The following LIPA variants were observed in gnomAD, a reference collection of about 807,000 sequenced individuals.
LIPA encodes the protein lipase A, lysosomal acid type.
A neutral mutation model predicts 40.6 loss-of-function variants in LIPA; 26 were observed. The observed-to-expected ratio is 0.64, with a 90% CI of 0.47 to 0.89. The LOEUF is 0.89. Ranked by LOEUF, LIPA falls within the 40% of genes least tolerant of loss-of-function variation. The pLI is 0.00. For synonymous variants in LIPA, 188 were observed against 168.4 expected, an observed-to-expected ratio of 1.12 and a Z score of -0.90; for missense variants, 455 against 479.6, an observed-to-expected ratio of 0.95 and a Z score of 0.48.
chr10:89,383,926 G>A lies in LIPA; in HGVS notation c.61+28865C>T, dbSNP rs147758253. On this transcript the variant is annotated intron_variant, in intron 2 of 8. Transcript: ENST00000371837. The stretch of plus-strand genomic sequence containing the variant: ...GAGGAATAAGGCATTTTCTCTGCAC[G>A]TCCTAAAACGAGCTGTCAGGCTAAA... 423 of 1,614,128 alleles carry A rather than the reference G, an allele frequency of 2.6e-4. 1 individual carries two copies. The highest frequency in any genetic ancestry group is 3.2e-4 in the Non-Finnish European group (382 of 1,180,030).
At chr10:89,262,372 C>G (rs894461648) in intron 1 of LIPA, among the ~76,000 whole-genome samples, 2 of 152,226 alleles carry the variant, frequency 1.3e-5, no homozygotes, top group Non-Finnish European at 2.9e-5. Context: ...AAGCTGTTCT[C>G]TTTGCCTCTG....
chr10:89,268,068 T>C (rs1419882268), intron 1 of LIPA, among the ~76,000 whole-genome samples: 4 of 152,244 alleles, frequency 2.6e-5, no homozygotes, highest in East Asian at 1.9e-4. Flanking sequence ...CTCCTGTTCA[T>C]GTAATGTGTG....
intron 1 of LIPA, among the ~76,000 whole-genome samples, chr10:89,274,065 A>C (rs912946040): frequency 6.6e-6 from 1 of 152,252 alleles, no homozygotes; most frequent in Non-Finnish European, 1.5e-5. Context: ...CATTATAGAC[A>C]TAAGTCACAT....
chr10:89,358,840 G>A (rs1238646394), intron 2 of LIPA, among the ~76,000 whole-genome samples: 3 of 152,146 alleles, frequency 2.0e-5, no homozygotes, highest in East Asian at 1.9e-4. Context: ...TAAATAGAAG[G>A]AATAATTTCT....
chr10:89,252,490 AAAAC>A (rs1326567492), upstream of LIPA, among the ~76,000 whole-genome samples: 18 of 152,164 alleles, frequency 1.2e-4, no homozygotes, highest in African/African-American at 2.6e-4. Context: ...AATAACAACA[AAAAC>A]AAACAAACAA....
chr10:89,307,567 G>C, intron 1 of LIPA: 1 of 517,786 alleles, frequency 1.9e-6, no homozygotes, highest in South Asian at 3.0e-5. Flanking sequence ...TTCTGGGAGA[G>C]GGACCAGATT....
At chr10:89,334,681 C>T (rs1250623199) in intron 1 of LIPA, among the ~76,000 whole-genome samples, 5 of 150,278 alleles carry the variant, frequency 3.3e-5, no homozygotes, top group African/African-American at 2.4e-5. Flanking sequence ...TTAGTACAGG[C>T]GGGGTTTCAT....
chr10:89,326,967 C>A (rs1843605582), intron 1 of LIPA, among the ~76,000 whole-genome samples: 1 of 152,202 alleles, frequency 6.6e-6, no homozygotes, highest in Non-Finnish European at 1.5e-5. Context: ...TCAATCAATA[C>A]ATGTAAGGTG....
intron 2 of LIPA, chr10:89,392,627 G>A (rs1844272659): frequency 2.0e-6 from 3 of 1,471,390 alleles, no homozygotes; most frequent in South Asian, 2.3e-5. Flanking sequence ...AAACGTAACT[G>A]AAAATCCACA....
intron 2 of LIPA, chr10:89,384,461 A>G (rs2133605251): frequency 6.2e-7 from 1 of 1,614,232 alleles, no homozygotes; most frequent in East Asian, 2.2e-5. Context: ...ATTCATTACC[A>G]CTACGGCCGT....
At chr10:89,282,415 AT>A (rs1005140835) in intron 1 of LIPA, among the ~76,000 whole-genome samples, 34 of 152,252 alleles carry the variant, frequency 2.2e-4, no homozygotes, top group African/African-American at 6.5e-4. Context: ...AGGCAGGCAG[AT>A]TACCTGAGAT....
chr10:89,215,052 G>A lies in LIPA; in HGVS notation c.976C>T (p.Pro326Ser). The part of the protein sequence containing the change: ...NYFHYNQSYP[P>S]TYNVKDMLVP... The stretch of plus-strand genomic sequence containing the variant: ...AGCATGTCCTTCACATTGTATGTGG[G>A]AGGATAACTCTACAATGAAAAGGAA... Residue 326 changes from proline to serine, a missense_variant, in exon 10 of 10, where the codon CCC becomes TCC. By Grantham distance (74) the Pro-to-Ser change is moderately conservative. Transcript: ENST00000336233. 2 of 1,609,800 alleles carry A rather than the reference G, an allele frequency of 1.2e-6. No homozygotes were observed. The highest frequency in any genetic ancestry group is 1.7e-6 in the Non-Finnish European group (2 of 1,176,010).
intron 1 of LIPA, among the ~76,000 whole-genome samples, chr10:89,277,274 T>C (rs1421580359): frequency 6.6e-6 from 1 of 152,256 alleles, no homozygotes; most frequent in Admixed American, 6.5e-5. Flanking sequence ...CATTTTTACT[T>C]ACAAGTGTGC....
At chr10:89,258,503 C>T (rs1179651840) in intron 1 of LIPA, among the ~76,000 whole-genome samples, 2 of 152,132 alleles carry the variant, frequency 1.3e-5, no homozygotes, top group Admixed American at 1.3e-4. Context: ...TGAGATACCA[C>T]TTCATACCCA....
chr10:89,349,355 C>A (rs1358115178), intron 2 of LIPA, among the ~76,000 whole-genome samples: 1 of 152,214 alleles, frequency 6.6e-6, no homozygotes, highest in Non-Finnish European at 1.5e-5. Flanking sequence ...GGTATATAAG[C>A]TTCTTGATCT....
At chr10:89,318,965 TG>T (rs771731237) in intron 1 of LIPA, among the ~76,000 whole-genome samples, 6 of 152,180 alleles carry the variant, frequency 3.9e-5, no homozygotes, top group Non-Finnish European at 8.8e-5. Flanking sequence ...GAATGACTAC[TG>T]GGTACATAAG....
In LIPA at chr10:89,270,775, G is replaced by A. The variant is rs187289795; in HGVS notation, c.-1-23126C>T. On this transcript the variant is annotated intron_variant, in intron 1 of 5. Coordinates refer to the LIPA transcript ENST00000282673. ...CGACCCAACAGATCTGATGGTGCTC[G>A]AAGTGTCTGTGACAGATAGGGAGGC... Among the ~76,000 whole-genome samples the A allele has an allele frequency of 1.8e-4, 27 of 152,316 alleles. No individual in the cohort carries two copies. In the East Asian group the frequency reaches 4.2e-3, roughly 24 times the overall value.
In LIPA at chr10:89,341,931, TGA is replaced by T. The variant is rs570546770; in HGVS notation, c.-2+678_-2+679del. ...GATATGTTGCATACGTGAAAATTGCTGAGAGAGTAGATTTTGTGTTCTCACTA... is the reference window on the plus strand; with the variant it reads ...GATATGTTGCATACGTGAAAATTGCTGAGAGTAGATTTTGTGTTCTCACTA... On this transcript the variant is annotated intron_variant, in intron 1 of 5. Transcript: ENST00000282673. Among the ~76,000 whole-genome samples, 211 of 152,314 alleles carry T rather than the reference TGA, an allele frequency of 1.4e-3. 1 individual carries two copies. The highest frequency in any genetic ancestry group is 1.9e-3 in the Non-Finnish European group (127 of 68,036).
intron 3 of LIPA, among the ~76,000 whole-genome samples, chr10:89,243,056 T>C (rs961110111): frequency 6.6e-5 from 10 of 152,142 alleles, no homozygotes; most frequent in African/African-American, 2.4e-4. Context: ...GCTGGTGCTA[T>C]TAATAATAGA....
Sources: allele counts gnomAD v4.1 joint callset (sites outside exome capture counted in the v4.1 genomes callset), GRCh38; gene constraint gnomAD v4.1.1; transcripts MANE v1.5; gene names NCBI Gene and HGNC (gene_info 2026-07-23, HGNC 2026-07-21).